Variants in CLVS1 observed in about 807,000 individuals in gnomAD.
CLVS1 encodes clavesin 1, also known as clavesin-1.
CLVS1 carries 10 observed loss-of-function variants against 33.1 expected under a neutral mutation model. The observed-to-expected ratio is 0.30, with a 90% CI of 0.19 to 0.51. The LOEUF (loss-of-function observed/expected upper bound fraction) is 0.51. CLVS1 is among the 20% of genes least tolerant of loss of function. The pLI is 0.97. For synonymous variants in CLVS1, 163 were observed against 166.1 expected (o/e 0.98, Z 0.14); for missense variants, 343 against 433.4 (o/e 0.79, Z 1.85).
At chr8:61,054,828 G>A (rs1804449527), upstream of CLVS1, among the ~76,000 whole-genome samples, 1 of 152,094 alleles carries the variant, frequency 6.6e-6, no homozygotes, top group Non-Finnish European at 1.5e-5. Context: ...ACACCGATAA[G>A]GATAAAATAT....
intron 5 of CLVS1, among the ~76,000 whole-genome samples, chr8:61,493,302 G>A (rs957051649): frequency 1.3e-5 from 2 of 152,102 alleles, no homozygotes; most frequent in Non-Finnish European, 2.9e-5. Flanking sequence ...TTTTGAGTTT[G>A]ATTCATGCTT....
intron 2 of CLVS1, among the ~76,000 whole-genome samples, chr8:61,301,544 G>C (rs1349924269): frequency 2.0e-5 from 3 of 152,142 alleles, no homozygotes; most frequent in Non-Finnish European, 4.4e-5. Context: ...CTAACATTTT[G>C]AATATTAATG....
chr8:61,191,897 A>G (rs572184654), intron 2 of CLVS1, among the ~76,000 whole-genome samples: 119 of 152,356 alleles, frequency 7.8e-4, no homozygotes, highest in African/African-American at 2.8e-3. Flanking sequence ...AAATGGAAGA[A>G]CATTCCATGC....
At chr8:60,982,067 T>C in the CLVS1 span, among the ~76,000 whole-genome samples, 1 of 152,198 alleles carries the variant, frequency 6.6e-6, no homozygotes, top group Non-Finnish European at 1.5e-5. Context: ...CTCCAATGGC[T>C]GAACAGAGAA....
intron 3 of CLVS1, among the ~76,000 whole-genome samples, chr8:61,420,005 G>A (rs149706024): frequency 1.3e-5 from 2 of 152,172 alleles, no homozygotes; most frequent in Admixed American, 1.3e-4. Context: ...ATTTATACAA[G>A]TCTGGAACCT....
chr8:61,077,475 T>TGAG, intron 1 of CLVS1, among the ~76,000 whole-genome samples: 1 of 133,302 alleles, frequency 7.5e-6, no homozygotes, highest in African/African-American at 2.9e-5. Context: ...TTATTATTAT[T>TGAG]ATTATTATTA....
chr8:61,148,993 G>T (rs1806469140), intron 2 of CLVS1, among the ~76,000 whole-genome samples: 1 of 151,994 alleles, frequency 6.6e-6, no homozygotes, highest in Non-Finnish European at 1.5e-5. Context: ...CCCATTTATG[G>T]TCCCCATAAA....
intron 2 of CLVS1, among the ~76,000 whole-genome samples, chr8:61,227,214 C>T (rs549016886): frequency 6.6e-6 from 1 of 151,296 alleles, no homozygotes; most frequent in Non-Finnish European, 1.5e-5. Flanking sequence ...ACCAGCAGTG[C>T]TATTTTGAAT....
At chr8:61,475,834 C>A (rs569653987) in intron 5 of CLVS1, among the ~76,000 whole-genome samples, 1 of 152,232 alleles carries the variant, frequency 6.6e-6, no homozygotes, top group South Asian at 2.1e-4. Flanking sequence ...TCTTTTGTTG[C>A]CATTGCTTTT....
chr8:61,010,285 C>T, the CLVS1 span, among the ~76,000 whole-genome samples: 2 of 152,204 alleles, frequency 1.3e-5, no homozygotes, highest in South Asian at 4.1e-4. Context: ...CTTTTAATTG[C>T]ATCCTGCAGA....
intron 2 of CLVS1, among the ~76,000 whole-genome samples, chr8:61,349,458 C>T (rs144388610): frequency 3.7e-4 from 56 of 152,190 alleles, no homozygotes; most frequent in African/African-American, 1.3e-3. Context: ...GTCAAGGACA[C>T]CTCTCAGATT....
At chr8:61,244,057 T>C (rs1340270602) in intron 2 of CLVS1, among the ~76,000 whole-genome samples, 3 of 152,182 alleles carry the variant, frequency 2.0e-5, no homozygotes, top group Admixed American at 1.3e-4. Context: ...CACAGAGTGG[T>C]GAAAAATTTG....
the CLVS1 span, among the ~76,000 whole-genome samples, chr8:60,968,332 A>T: frequency 6.6e-6 from 1 of 152,154 alleles, no homozygotes; most frequent in African/African-American, 2.4e-5. Context: ...CCTGACCAAC[A>T]TGGTGAAACC....
chr8:61,315,418 T>C lies in CLVS1; in HGVS notation c.455+15136T>C, dbSNP rs534552782. On this transcript the variant is annotated intron_variant, in intron 2 of 5. Transcript: ENST00000325897. The stretch of plus-strand genomic sequence containing the variant: ...TCTAAGGTAGTGAAAATCCAAATAG[T>C]GTTGCCACTGGGCCCATTCCCTTTG... 9.2e-5 allele frequency among the ~76,000 whole-genome samples: 14 copies of C among 152,304 alleles called. No homozygotes were observed. The South Asian group carries it at 2.7e-3, about 29-fold the overall frequency.
intron 2 of CLVS1, among the ~76,000 whole-genome samples, chr8:61,272,978 C>T (rs914549113): frequency 1.3e-5 from 2 of 149,084 alleles, no homozygotes; most frequent in African/African-American, 2.5e-5. Flanking sequence ...TCGTCTGAAG[C>T]CTTCTTCTCT....
chr8:61,495,508 C>A, intron 5 of CLVS1, among the ~76,000 whole-genome samples: 1 of 152,222 alleles, frequency 6.6e-6, no homozygotes, highest in Middle Eastern at 3.4e-3. Context: ...TGAAACAGAT[C>A]CAAGACACAA....
At chr8:61,468,975 C>T (rs1012659900) in intron 5 of CLVS1, among the ~76,000 whole-genome samples, 2 of 152,172 alleles carry the variant, frequency 1.3e-5, no homozygotes, top group Non-Finnish European at 2.9e-5. Context: ...TGTGACACAG[C>T]AGCACAGCCA....
At chr8:61,355,263 A>G (rs963801709) in intron 2 of CLVS1, among the ~76,000 whole-genome samples, 37 of 151,536 alleles carry the variant, frequency 2.4e-4, no homozygotes, top group African/African-American at 9.0e-4. Context: ...TGTGTACCTC[A>G]CTCCAGTTTA....
intron 2 of CLVS1, among the ~76,000 whole-genome samples, chr8:61,133,539 C>A (rs1355164581): frequency 6.6e-6 from 1 of 152,110 alleles, no homozygotes; most frequent in Non-Finnish European, 1.5e-5. Flanking sequence ...ATCAAAGGAC[C>A]TTTTGTGTCA....
Sources: allele counts gnomAD v4.1 joint callset (sites outside exome capture counted in the v4.1 genomes callset), GRCh38; gene constraint gnomAD v4.1.1; transcripts MANE v1.5; gene names NCBI Gene and HGNC (gene_info 2026-07-23, HGNC 2026-07-21).